The following NALCN variants were observed in gnomAD, a reference collection of about 807,000 sequenced individuals.
The protein encoded by NALCN is sodium leak channel NALCN.
A neutral mutation model predicts 225.3 loss-of-function variants in NALCN; 111 were observed. The ratio of observed to expected loss-of-function variants is 0.49; its 90% CI spans 0.42 to 0.58. NALCN has a LOEUF of 0.58. Ranked by LOEUF, NALCN falls within the 20% of genes least tolerant of loss-of-function variation. NALCN has a pLI of 0.00. For synonymous variants in NALCN, 764 were observed against 769.0 expected, an observed-to-expected ratio of 0.99 and a Z score of 0.11; for missense variants, 1,378 against 2,202.4, an observed-to-expected ratio of 0.63 and a Z score of 7.49.
chr13:101,291,101 G>A (rs1290207894), intron 9 of NALCN, among the ~76,000 whole-genome samples: 1 of 152,044 alleles, frequency 6.6e-6, no homozygotes, highest in Non-Finnish European at 1.5e-5. Context: ...CAAATTCTCA[G>A]GAGCCTTATG....
At chr13:101,382,386 A>G (rs961811303) in intron 3 of NALCN, among the ~76,000 whole-genome samples, 2 of 152,152 alleles carry the variant, frequency 1.3e-5, no homozygotes, top group African/African-American at 4.8e-5. Context: ...TTTTGGACCA[A>G]TGCTTACATG....
At chr13:101,310,780 C>T (rs1268827642) in intron 7 of NALCN, among the ~76,000 whole-genome samples, 1 of 151,770 alleles carries the variant, frequency 6.6e-6, no homozygotes, top group Non-Finnish European at 1.5e-5. Flanking sequence ...AAATATTTTC[C>T]CATATAATCA....
At chr13:101,300,450 T>G (rs566299282) in intron 7 of NALCN, among the ~76,000 whole-genome samples, 1 of 151,024 alleles carries the variant, frequency 6.6e-6, no homozygotes, top group South Asian at 2.1e-4. Flanking sequence ...CTTTCTTCCT[T>G]TCCTTTTTTT....
chr13:101,146,807 C>T (rs565509260), intron 15 of NALCN, among the ~76,000 whole-genome samples: 33 of 152,122 alleles, frequency 2.2e-4, no homozygotes, highest in Admixed American at 5.2e-4. Flanking sequence ...CTCGCCCTCA[C>T]GGAGCCCACA....
intron 17 of NALCN, among the ~76,000 whole-genome samples, chr13:101,126,786 C>T (rs756397865): frequency 3.9e-5 from 6 of 152,254 alleles, no homozygotes; most frequent in South Asian, 4.1e-4. Context: ...CCACCACACC[C>T]GGCCAAAAGT....
chr13:101,236,202 A>C (rs1189722804), intron 12 of NALCN, among the ~76,000 whole-genome samples: 1 of 152,164 alleles, frequency 6.6e-6, no homozygotes, highest in Non-Finnish European at 1.5e-5. Context: ...GCAAATGAAA[A>C]CCACAATGAG....
At chr13:101,177,296 A>T (rs897573319) in intron 14 of NALCN, among the ~76,000 whole-genome samples, 2 of 151,980 alleles carry the variant, frequency 1.3e-5, no homozygotes, top group African/African-American at 4.8e-5. Context: ...GATAATAAAC[A>T]TCTATTTCCT....
intron 15 of NALCN, among the ~76,000 whole-genome samples, chr13:101,157,075 T>G (rs552781086): frequency 2.0e-5 from 3 of 152,314 alleles, no homozygotes; most frequent in African/African-American, 7.2e-5. Context: ...TATACTGCAC[T>G]CATGTCCCAG....
At chr13:101,270,692 G>A (rs1347051920) in intron 10 of NALCN, among the ~76,000 whole-genome samples, 2 of 152,172 alleles carry the variant, frequency 1.3e-5, no homozygotes, top group Non-Finnish European at 2.9e-5. Context: ...TTTAGATTAT[G>A]TCTAAACCTG....
At chr13:101,170,556 T>C (rs989595105) in intron 15 of NALCN, among the ~76,000 whole-genome samples, 1 of 152,190 alleles carries the variant, frequency 6.6e-6, no homozygotes, top group Non-Finnish European at 1.5e-5. Flanking sequence ...AGCTTAAGGC[T>C]AAAGAAAAAC....
chr13:101,355,013 C>G (rs2046010485), intron 6 of NALCN, among the ~76,000 whole-genome samples: 1 of 152,220 alleles, frequency 6.6e-6, no homozygotes. Flanking sequence ...TGAGCTCCTG[C>G]TCTGAGTTCA....
intron 9 of NALCN, among the ~76,000 whole-genome samples, chr13:101,291,302 C>G (rs997713971): frequency 5.3e-5 from 8 of 152,132 alleles, no homozygotes; most frequent in Non-Finnish European, 8.8e-5. Flanking sequence ...ATTACATAGG[C>G]TTGCAAGTAC....
chr13:101,283,252 G>A (rs2043226570), intron 10 of NALCN, among the ~76,000 whole-genome samples: 1 of 152,098 alleles, frequency 6.6e-6, no homozygotes, highest in African/African-American at 2.4e-5. Context: ...GGGCAAGGAG[G>A]GGAAACCAAG....
At chr13:101,143,851 T>C (rs1429922707) in intron 16 of NALCN, among the ~76,000 whole-genome samples, 3 of 152,210 alleles carry the variant, frequency 2.0e-5, no homozygotes, top group Non-Finnish European at 4.4e-5. Flanking sequence ...TAAATGTCCA[T>C]TTATCATAAG....
chr13:101,120,795 G>A (rs958176821), intron 18 of NALCN, among the ~76,000 whole-genome samples: 4 of 152,268 alleles, frequency 2.6e-5, no homozygotes, highest in Non-Finnish European at 4.4e-5. Context: ...GAGGCACCAG[G>A]CAGGTCGCTT....
chr13:101,263,194 G>C (rs545121499), intron 10 of NALCN, among the ~76,000 whole-genome samples: 1 of 152,094 alleles, frequency 6.6e-6, no homozygotes, highest in Non-Finnish European at 1.5e-5. Context: ...ATGCATATCC[G>C]TTTCCCTTTG....
chr13:101,377,115 A>G, intron 4 of NALCN, 59 bp from the exon 5 acceptor site: 2 of 1,606,172 alleles, frequency 1.2e-6, no homozygotes, highest in South Asian at 1.1e-5. Context: ...GCTTATAGTC[A>G]TGGAACATAC....
chr13:101,061,702 T>A (rs7336126), intron 41 of NALCN, among the ~76,000 whole-genome samples: 1 of 152,010 alleles, frequency 6.6e-6, no homozygotes. Flanking sequence ...GCTTTTTAAG[T>A]CTTCATGTCA....
intron 1 of NALCN, 100 bp from the exon 2 acceptor site, chr13:101,399,265 T>C: frequency 4.3e-6 from 3 of 689,882 alleles, no homozygotes; most frequent in Middle Eastern, 2.5e-4. Flanking sequence ...GGCATATATG[T>C]GTTCTACTCC....
Sources: gnomAD v4.1 joint callset for allele counts (sites outside exome capture counted in the v4.1 genomes callset) on GRCh38, gnomAD v4.1.1 for gene constraint, MANE v1.5 for transcripts, NCBI Gene and HGNC (gene_info 2026-07-23, HGNC 2026-07-21) for gene names.